The following NRCAM variants were observed in gnomAD, a reference collection of about 807,000 sequenced individuals.
The protein encoded by NRCAM is neuronal cell adhesion molecule.
A neutral mutation model predicts 156.5 loss-of-function variants in NRCAM; 83 were observed. The observed-to-expected ratio is 0.53, with a 90% CI of 0.44 to 0.64. NRCAM has a LOEUF of 0.64. Ranked by LOEUF, NRCAM falls within the 30% of genes least tolerant of loss-of-function variation. NRCAM has a pLI of 0.00. For synonymous variants in NRCAM, 538 were observed against 563.9 expected, an observed-to-expected ratio of 0.95 and a Z score of 0.65; for missense variants, 1,417 against 1,597.3, an observed-to-expected ratio of 0.89 and a Z score of 1.92.
chr7:108,170,802 T>C (rs383691), intron 28 of NRCAM, among the ~76,000 whole-genome samples: 109,837 of 151,828 alleles, frequency 0.72, 42,098 homozygotes, highest in Non-Finnish European at 0.85. Context: ...CTAAAAAAGT[T>C]GTACTTAGAG....
intron 2 of NRCAM, among the ~76,000 whole-genome samples, chr7:108,315,573 G>A (rs2098902953): frequency 6.6e-6 from 1 of 152,166 alleles, no homozygotes. Flanking sequence ...GCACCCAGAG[G>A]GCCCTCCCTC....
intron 13 of NRCAM, among the ~76,000 whole-genome samples, chr7:108,199,414 CA>C (rs2153505320): frequency 6.6e-6 from 1 of 152,286 alleles, no homozygotes; most frequent in South Asian, 2.1e-4. Flanking sequence ...TGGCTTAGAA[CA>C]ACACAAATTT....
intron 2 of NRCAM, among the ~76,000 whole-genome samples, chr7:108,369,958 CTAAG>C (rs766633230): frequency 7.9e-5 from 12 of 152,008 alleles, no homozygotes; most frequent in Admixed American, 2.6e-4. Flanking sequence ...TTCATGAAAA[CTAAG>C]TAGTTATTTA....
At chr7:108,382,117 C>A (rs1419222857) in intron 2 of NRCAM, among the ~76,000 whole-genome samples, 1 of 152,044 alleles carries the variant, frequency 6.6e-6, no homozygotes, top group Non-Finnish European at 1.5e-5. Context: ...TGAAGGGGTG[C>A]ATGGTAACTT....
intron 3 of NRCAM, among the ~76,000 whole-genome samples, chr7:108,243,667 T>A (rs191280620): frequency 2.0e-4 from 30 of 152,310 alleles, no homozygotes; most frequent in Admixed American, 7.2e-4. Context: ...TAAAGCAGGA[T>A]TGAATGAGAT....
intron 17 of NRCAM, among the ~76,000 whole-genome samples, chr7:108,192,918 G>T (rs1040287362): frequency 1.3e-5 from 2 of 152,162 alleles, no homozygotes; most frequent in Non-Finnish European, 2.9e-5. Context: ...AATGTATAGA[G>T]AATTAGTGTA....
At chr7:108,353,961 T>C (rs1225627950) in intron 2 of NRCAM, among the ~76,000 whole-genome samples, 1 of 152,214 alleles carries the variant, frequency 6.6e-6, no homozygotes, top group Non-Finnish European at 1.5e-5. Flanking sequence ...TGATGTTGGA[T>C]TGGTCGTTTA....
At chr7:108,430,362 G>GATAGA (rs1160584740) in intron 1 of NRCAM, among the ~76,000 whole-genome samples, 1 of 152,188 alleles carries the variant, frequency 6.6e-6, no homozygotes. Flanking sequence ...CTTGATCCGG[G>GATAGA]ATAGAACTAG....
intron 11 of NRCAM, among the ~76,000 whole-genome samples, chr7:108,209,941 T>C (rs907799066): frequency 1.1e-4 from 16 of 152,316 alleles, no homozygotes; most frequent in Non-Finnish European, 2.1e-4. Context: ...GAAGCTACTA[T>C]GTTAATCAAA....
At chr7:108,233,487 T>G (rs1440852517) in intron 6 of NRCAM, among the ~76,000 whole-genome samples, 1 of 152,200 alleles carries the variant, frequency 6.6e-6, no homozygotes, top group Non-Finnish European at 1.5e-5. Context: ...ACACTCCATA[T>G]ATCAACAATG....
At chr7:108,291,735 G>C (rs192002683) in intron 3 of NRCAM, among the ~76,000 whole-genome samples, 1 of 152,128 alleles carries the variant, frequency 6.6e-6, no homozygotes, top group East Asian at 1.9e-4. Context: ...AGAAAGTATA[G>C]AGGAAGAGAC....
At position 108,322,005 on chromosome 7, in the gene NRCAM, C is replaced by T. The variant is rs60635956; in HGVS notation, c.-173-9274G>A. Among the ~76,000 whole-genome samples the T allele has an allele frequency of 1.9e-4, 29 of 152,184 alleles. No individual in the cohort carries two copies. In the South Asian group the frequency reaches 4.4e-3, roughly 23 times the overall value. ...TGAATGCATTTCCTTAAAAGGAAGG[C>T]GAGGAAGACTTTTTTAAAAAATTAG... On this transcript the variant is annotated intron_variant, in intron 2 of 32. Transcript: ENST00000379028.
chr7:108,290,666 G>T (rs1476435984), intron 3 of NRCAM, among the ~76,000 whole-genome samples: 5 of 152,046 alleles, frequency 3.3e-5, no homozygotes, highest in African/African-American at 4.8e-5. Flanking sequence ...AAACAATAAA[G>T]AATTAAAGTT....
chr7:108,429,097 C>T (rs186354813), intron 1 of NRCAM, among the ~76,000 whole-genome samples: 4 of 152,232 alleles, frequency 2.6e-5, no homozygotes, highest in Admixed American at 2.0e-4. Context: ...CCTTAATTGA[C>T]AACATTTAAT....
At chr7:108,366,748 C>G (rs902262409) in intron 2 of NRCAM, among the ~76,000 whole-genome samples, 1 of 152,186 alleles carries the variant, frequency 6.6e-6, no homozygotes, top group Non-Finnish European at 1.5e-5. Flanking sequence ...TACCTAATTG[C>G]AAGCTAATTG....
rs758793151 is a variant in NRCAM at position 108,160,359 on chromosome 7, ACC to A, written c.3598_3598+1del. The A allele has an allele frequency of 6.2e-7, 1 of 1,612,168 alleles. No homozygotes were observed. On this transcript the variant is annotated splice_donor_variant and coding_sequence_variant, in exon 31 of 33. Coordinates refer to ENST00000379028, the MANE Select transcript of NRCAM (RefSeq NM_001037132.4). LOFTEE classifies it high-confidence loss of function. ...AAAGCAATTTTAATCTTTCTTTCTT[ACC>A]TGGATATTTACCACCCTTGTTTCTT...
At chr7:108,429,686 A>ATT (rs2154458212) in intron 1 of NRCAM, among the ~76,000 whole-genome samples, 1 of 152,306 alleles carries the variant, frequency 6.6e-6, no homozygotes, top group South Asian at 2.1e-4. Flanking sequence ...TTCAACATAT[A>ATT]TTTACTAAGA....
chr7:108,225,610 A>T (rs1178289366), intron 10 of NRCAM, 35 bp downstream of exon 10: 2 of 1,305,976 alleles, frequency 1.5e-6, no homozygotes, highest in African/African-American at 2.9e-5. Flanking sequence ...TCTACAATGA[A>T]GGAGAGAATA....
chr7:108,318,698 T>C (rs1440669762), intron 2 of NRCAM, among the ~76,000 whole-genome samples: 2 of 152,122 alleles, frequency 1.3e-5, no homozygotes, highest in Non-Finnish European at 2.9e-5. Context: ...AAAACAAAGA[T>C]GACCCCTGGT....
Sources: allele counts gnomAD v4.1 joint callset (sites outside exome capture counted in the v4.1 genomes callset), GRCh38; gene constraint gnomAD v4.1.1; transcripts MANE v1.5; gene names NCBI Gene and HGNC (gene_info 2026-07-23, HGNC 2026-07-21).